PHF20L1: variants seen among roughly 807,000 people sequenced by gnomAD.
The protein encoded by PHF20L1 is PHD finger protein 20-like protein 1.
A neutral mutation model predicts 125.5 loss-of-function variants in PHF20L1; 44 were observed. That is an observed-to-expected ratio of 0.35 (90% CI 0.28 to 0.45). The LOEUF (loss-of-function observed/expected upper bound fraction) is 0.45, where lower values mean the gene tolerates loss of function less well. Among genes scored for constraint, PHF20L1 ranks in the 20% least tolerant of loss-of-function variants. The pLI, the probability that PHF20L1 is intolerant of heterozygous loss-of-function variation, is 1.00. For synonymous variants in PHF20L1, 380 were observed against 403.1 expected (o/e 0.94, Z 0.69); for missense variants, 1,012 against 1,217.2 (o/e 0.83, Z 2.51).
In PHF20L1 at chr8:132,794,779, G is replaced by A. The variant is rs770116900; in HGVS notation, c.302G>A (p.Arg101His). ...EEVLARWTDC[R>H]YYPAKIEAIN... Reference sequence around the variant, plus strand: ...GTTCTGGCTCGTTGGACAGACTGTCGCTATTACCCTGCCAAGATTGAAGCA... The same window carrying A: ...GTTCTGGCTCGTTGGACAGACTGTCACTATTACCCTGCCAAGATTGAAGCA... The change falls in exon 4 of 21, where the codon CGC (arginine) becomes CAC (histidine). Residue 101 changes from arginine (R) to histidine (H), a missense_variant. Arg to His is a conservative substitution (Grantham distance 29). Coordinates refer to ENST00000395386, the MANE Select transcript of PHF20L1 (RefSeq NM_016018.5). The A allele has an allele frequency of 2.5e-6, 4 of 1,612,602 alleles. No homozygotes were observed. Among genetic ancestry groups the A allele is most frequent in the South Asian group, 2.2e-5 (2 of 90,938 alleles).
intron 12 of PHF20L1, among the ~76,000 whole-genome samples, chr8:132,820,878 G>A (rs918707038): frequency 7.9e-5 from 12 of 152,046 alleles, no homozygotes; most frequent in Admixed American, 7.9e-4. Context: ...TAGGTTGTAT[G>A]CATATAATTT....
chr8:132,785,329 A>G (rs1686897848), intron 2 of PHF20L1, among the ~76,000 whole-genome samples: 1 of 152,218 alleles, frequency 6.6e-6, no homozygotes, highest in Non-Finnish European at 1.5e-5. Context: ...CTGTTGTGGT[A>G]GTTAACTCTA....
intron 4 of PHF20L1, among the ~76,000 whole-genome samples, chr8:132,797,832 C>T (rs1832590355): frequency 6.6e-6 from 1 of 151,930 alleles, no homozygotes; most frequent in Non-Finnish European, 1.5e-5. Context: ...ATGATTGTCA[C>T]ATTTCTTGTT....
At chr8:132,798,436 A>G (rs1219672212) in intron 4 of PHF20L1, among the ~76,000 whole-genome samples, 2 of 152,044 alleles carry the variant, frequency 1.3e-5, no homozygotes, top group Non-Finnish European at 2.9e-5. Context: ...GAAATATTAT[A>G]TATTTTTGTA....
intron 6 of PHF20L1, among the ~76,000 whole-genome samples, chr8:132,802,383 G>C: frequency 6.6e-6 from 1 of 151,188 alleles, no homozygotes; most frequent in East Asian, 1.9e-4. Flanking sequence ...TTATGTTTAG[G>C]GTTCAGCTCA....
intron 9 of PHF20L1, chr8:132,813,221 C>A: frequency 2.0e-6 from 1 of 507,016 alleles, no homozygotes; most frequent in Non-Finnish European, 2.5e-6. Flanking sequence ...TCTGGCAACA[C>A]CTTTTATAAT....
intron 15 of PHF20L1, among the ~76,000 whole-genome samples, chr8:132,834,486 A>C (rs1280679462): frequency 1.3e-5 from 2 of 151,994 alleles, no homozygotes; most frequent in East Asian, 3.9e-4. Context: ...AGCACAGGTC[A>C]TCATGCCTAG....
rs868418227 is a variant in PHF20L1 at position 132,836,683 on chromosome 8, A to G, written c.2053A>G (p.Ile685Val). The change falls in exon 16 of 21, where the codon ATT becomes GTT. Residue 685 changes from isoleucine to valine, a missense_variant. Around this residue, in one of 7 missense-constraint regions of PHF20L1, gnomAD observed 320 missense variants for 293.8 expected, o/e 1.09. Transcript: ENST00000395386. ...DDALNEIVRC[I>V]CEMDEENGFM... ...TGCTCTTAATGAAATTGTGCGATGT[A>G]TTTGTGAGATGGATGAGGAGAATGG... The G allele has an allele frequency of 6.2e-7, 1 of 1,613,090 alleles. No individual in the cohort carries two copies. The highest frequency in any genetic ancestry group is 8.5e-7 in the Non-Finnish European group (1 of 1,179,372).
chr8:132,781,325 G>A (rs1378841486), intron 2 of PHF20L1, among the ~76,000 whole-genome samples: 2 of 152,048 alleles, frequency 1.3e-5, no homozygotes, highest in African/African-American at 2.4e-5. Flanking sequence ...AAACCATATC[G>A]TATAATTCTT....
chr8:132,801,920 A>G (rs746823697), intron 6 of PHF20L1, among the ~76,000 whole-genome samples: 6 of 151,540 alleles, frequency 4.0e-5, no homozygotes, highest in Non-Finnish European at 7.4e-5. Flanking sequence ...TTTTTTCTTT[A>G]TTGGAGGTAG....
In PHF20L1 at chr8:132,775,908, AC is replaced by A. The variant is rs767574883; in HGVS notation, c.-38+268del. On this transcript the variant is annotated intron_variant, in intron 1 of 20. Transcript: ENST00000395386. ...CAGCCTTTCCTGCCTGTCTCGTGCC[AC>A]CCCCTCTCTGTCTGGCCTCACCTCC... is the stretch of plus-strand genomic sequence containing the variant. 3.8e-4 allele frequency among the ~76,000 whole-genome samples: 57 copies of A among 150,864 alleles called. 1 individual carries two copies. Among genetic ancestry groups the A allele is most frequent in the South Asian group, 8.4e-4 (4 of 4,744 alleles).
Position 132,844,289 on chromosome 8 carries a change from G to A in PHF20L1, c.2882G>A (p.Arg961Lys), listed in dbSNP as rs747852556. 24 of 1,611,496 alleles carry A rather than the reference G, an allele frequency of 1.5e-5. No individual in the cohort carries two copies. ...IENVQNEVTS[R>K]MDLIEKEVDV... The stretch of plus-strand genomic sequence containing the variant: ...AATGTGCAGAACGAAGTTACCAGCA[G>A]GATGGACCTAATAGAAAAAGAAGTC... Residue 961 changes from arginine to lysine, a missense_variant, in exon 20 of 21, where the codon AGG becomes AAG. By Grantham distance (26) the Arg-to-Lys change is conservative. Around this residue, in one of 7 missense-constraint regions of PHF20L1, gnomAD observed 277 missense variants for 283.6 expected, o/e 0.98. Transcript: ENST00000395386.
Position 132,825,354 on chromosome 8 carries a change from A to G in PHF20L1, c.1727A>G (p.Lys576Arg). The G allele has an allele frequency of 1.3e-6, 2 of 1,507,448 alleles. No individual in the cohort carries two copies. Among genetic ancestry groups the G allele is most frequent in the Admixed American group, 2.2e-5 (1 of 46,182 alleles). The allele number at this position is 1,507,448 out of a possible 1,614,324, so 93.4% of individuals were successfully genotyped here. Residue 576 changes from lysine (K) to arginine (R), a missense_variant, in exon 14 of 21, where the codon AAG (lysine) becomes AGG (arginine). Physicochemically the swap from Lys to Arg is conservative, Grantham distance 26. Around this residue, in one of 7 missense-constraint regions of PHF20L1, gnomAD observed 320 missense variants for 293.8 expected, o/e 1.09. Coordinates refer to ENST00000395386, the MANE Select transcript of PHF20L1 (RefSeq NM_016018.5). ...PKQKKKKKKK[K>R]KSKQHDYSDY... ...CAGAAGAAGAAGAAAAAAAAGAAAAAGAAATCTAAGCAACATGGTAAGTAC... is the reference window on the plus strand; with the variant it reads ...CAGAAGAAGAAGAAAAAAAAGAAAAGGAAATCTAAGCAACATGGTAAGTAC...
chr8:132,784,329 A>G (rs1830767509), intron 2 of PHF20L1, among the ~76,000 whole-genome samples: 1 of 152,220 alleles, frequency 6.6e-6, no homozygotes, highest in Non-Finnish European at 1.5e-5. Context: ...ACTGGAAGTC[A>G]TAAAATATGG....
chr8:132,794,307 C>A, intron 2 of PHF20L1, 103 bp from the exon 3 acceptor site: 1 of 647,016 alleles, frequency 1.5e-6, no homozygotes, highest in Non-Finnish European at 2.6e-6. Context: ...TTGTTTTCTT[C>A]ATGGTTTTAA....
At chr8:132,823,858 G>C (rs1474063516) in intron 12 of PHF20L1, 146 bp from the exon 13 acceptor site, 2 of 520,358 alleles carry the variant, frequency 3.8e-6, no homozygotes, top group Non-Finnish European at 3.5e-6. Flanking sequence ...TCACCGCTTT[G>C]TTACCAGTTC....
chr8:132,784,488 A>C (rs1218707207), intron 2 of PHF20L1, among the ~76,000 whole-genome samples: 1 of 152,098 alleles, frequency 6.6e-6, no homozygotes, highest in Non-Finnish European at 1.5e-5. Flanking sequence ...ATTTTCACCT[A>C]TTCAGGGATG....
At chr8:132,825,238 C>T (rs750097873) in intron 13 of PHF20L1, 26 bp from the exon 14 acceptor site, 1 of 1,587,450 alleles carries the variant, frequency 6.3e-7, no homozygotes, top group Non-Finnish European at 8.6e-7. Flanking sequence ...GTCGTGATTG[C>T]TAAAGTATTC....
chr8:132,798,689 A>G, intron 4 of PHF20L1, 83 bp from the exon 5 acceptor site: 2 of 833,020 alleles, frequency 2.4e-6, no homozygotes, highest in South Asian at 3.3e-5. Context: ...ATTTATCTAT[A>G]CAAGTCACTA....
Sources: allele counts gnomAD v4.1 joint callset (sites outside exome capture counted in the v4.1 genomes callset), GRCh38; gene constraint gnomAD v4.1.1; regional missense constraint gnomAD v4.1.1; transcripts MANE v1.5; gene names NCBI Gene and HGNC (gene_info 2026-07-23, HGNC 2026-07-21).